BAZ1B: variants seen among roughly 807,000 people sequenced by gnomAD.
The protein encoded by BAZ1B is bromodomain adjacent to zinc finger domain 1B.
In BAZ1B, 22 loss-of-function variants were observed where a neutral mutation model predicts 153.8. That is an observed-to-expected ratio of 0.14 (90% CI 0.10 to 0.20). The LOEUF (loss-of-function observed/expected upper bound fraction) is 0.20. Among genes scored for constraint, BAZ1B ranks in the 10% least tolerant of loss-of-function variants. The probability of loss-of-function intolerance (pLI) is 1.00; values close to 1 mark genes in which losing one functional copy is unlikely to be tolerated. For synonymous variants in BAZ1B, 676 were observed against 633.4 expected (o/e 1.07, Z -1.01); for missense variants, 1,325 against 1,799.3 (o/e 0.74, Z 4.77).
intron 6 of BAZ1B, among the ~76,000 whole-genome samples, chr7:73,480,123 A>C (rs1431966431): frequency 6.7e-6 from 1 of 149,858 alleles, no homozygotes; most frequent in South Asian, 2.1e-4. Flanking sequence ...ACGCCACTGC[A>C]CTCCAGCTTG....
chr7:73,505,904 C>A (rs1440719009), intron 3 of BAZ1B, among the ~76,000 whole-genome samples: 1 of 152,150 alleles, frequency 6.6e-6, no homozygotes, highest in Non-Finnish European at 1.5e-5. Flanking sequence ...GAACTACGGA[C>A]TATTATTACA....
chr7:73,486,902 A>C (rs1789433000), intron 6 of BAZ1B, among the ~76,000 whole-genome samples: 1 of 152,266 alleles, frequency 6.6e-6, no homozygotes, highest in African/African-American at 2.4e-5. Context: ...CTGAGAAGCC[A>C]AAGTCCTAAT....
chr7:73,463,068 C>T lies in BAZ1B; in HGVS notation c.3103G>A (p.Ala1035Thr). 6.2e-7 allele frequency: 1 copy of T among 1,613,840 alleles called. No homozygotes were observed. The highest frequency in any genetic ancestry group is 8.5e-7 in the Non-Finnish European group (1 of 1,179,928). The part of the protein sequence containing the change: ...YQDIIHSIHL[A>T]RKPNLGLKSC... ...TTTAGACCCAAATTTGGCTTCCGTG[C>T]TAGATGAATAGAGTGAATAATGTCC... The change falls in exon 12 of 20, where the codon GCA becomes ACA. Residue 1035 changes from alanine to threonine, a missense_variant. Physicochemically the swap from Ala to Thr is moderately conservative, Grantham distance 58 (BLOSUM62 0). This residue lies in a region of BAZ1B where 431 missense variants were observed against 563.5 expected (regional missense o/e 0.76). Coordinates refer to ENST00000339594, the MANE Select transcript of BAZ1B (RefSeq NM_032408.4).
chr7:73,506,893 T>A (rs1790366732), intron 3 of BAZ1B, among the ~76,000 whole-genome samples: 1 of 145,720 alleles, frequency 6.9e-6, no homozygotes, highest in African/African-American at 2.5e-5. Context: ...TTTTTTTTTT[T>A]TTTGAGATGG....
At chr7:73,489,468 C>G (rs975590157) in intron 5 of BAZ1B, 77 bp from the exon 6 acceptor site, 58 of 1,482,912 alleles carry the variant, frequency 3.9e-5, no homozygotes, top group Admixed American at 7.1e-5. Context: ...AATATACGTT[C>G]TCTCCAGAAA....
At position 73,470,790 on chromosome 7, in the gene BAZ1B, C is replaced by T. The variant is rs528416203; in HGVS notation, c.2594-307G>A. ...TTGCTCTGTCACCCAGGGTGGAGTG[C>T]AGTGGTGCGATCTCGGCTCACTGCA... On this transcript the variant is annotated intron_variant, in intron 7 of 19. Coordinates refer to ENST00000339594, the MANE Select transcript of BAZ1B (RefSeq NM_032408.4). Among the ~76,000 whole-genome samples, 6 of 152,246 alleles carry T rather than the reference C, an allele frequency of 3.9e-5. No individual in the cohort carries two copies. In the East Asian group the frequency reaches 1.2e-3, roughly 29 times the overall value.
rs918761557 is a variant in BAZ1B at position 73,511,043 on chromosome 7, G to A, written c.108-191C>T. Among the ~76,000 whole-genome samples the A allele has an allele frequency of 3.3e-5, 5 of 152,166 alleles. No homozygotes were observed. In the East Asian group the frequency reaches 5.8e-4, roughly 18 times the overall value. ...TCCCAGCACTTTGGGAGGCCGAGGC[G>A]GGCGGATCACGAGGTCAGATCGAGA... On this transcript the variant is annotated intron_variant, in intron 1 of 19. Transcript: ENST00000339594.
rs1489656960 is a variant in BAZ1B at position 73,462,244 on chromosome 7, G to GA, written c.3249+677dup. 4.0e-5 allele frequency among the ~76,000 whole-genome samples: 6 copies of GA among 150,614 alleles called. No individual in the cohort carries two copies. In the East Asian group the frequency reaches 9.7e-4, roughly 24 times the overall value. On this transcript the variant is annotated intron_variant, in intron 12 of 19. Coordinates refer to ENST00000339594, the MANE Select transcript of BAZ1B (RefSeq NM_032408.4). Reference sequence around the variant, plus strand: ...AGAGGGGACTTCATTTCTTTAAAAAGAAAAAAAAGACAAAACATCATAGTG... The same window carrying GA: ...AGAGGGGACTTCATTTCTTTAAAAAGAAAAAAAAAGACAAAACATCATAGTG...
intron 13 of BAZ1B, among the ~76,000 whole-genome samples, chr7:73,458,925 A>T (rs1199791341): frequency 6.6e-6 from 1 of 152,146 alleles, no homozygotes; most frequent in Non-Finnish European, 1.5e-5. Flanking sequence ...TAATGTGTTT[A>T]AAAGTCACCA....
intron 19 of BAZ1B, 42 bp downstream of exon 19, chr7:73,442,139 C>CAA: frequency 3.3e-6 from 2 of 598,500 alleles, no homozygotes; most frequent in Non-Finnish European, 6.2e-6. Context: ...GCTCGCCTCC[C>CAA]TCCCACCCTC....
At chr7:73,465,632 G>A (rs1396962470) in intron 10 of BAZ1B, 95 bp from the exon 11 acceptor site, 1 of 711,146 alleles carries the variant, frequency 1.4e-6, no homozygotes, top group South Asian at 2.1e-5. Context: ...GGTGGGACTT[G>A]GGAGAACAGA....
intron 1 of BAZ1B, among the ~76,000 whole-genome samples, chr7:73,512,515 T>C (rs1017894311): frequency 6.6e-6 from 1 of 152,180 alleles, no homozygotes. Flanking sequence ...CAGAAGATCA[T>C]TTACTAGCCG....
chr7:73,449,455 A>T, intron 15 of BAZ1B, 87 bp downstream of exon 15: 1 of 1,440,474 alleles, frequency 6.9e-7, no homozygotes, highest in Non-Finnish European at 9.2e-7. Flanking sequence ...AGCTCCTTAG[A>T]TTCATTCTGT....
Position 73,477,955 on chromosome 7 carries a change from T to G in BAZ1B, c.1506A>C (p.Thr502=). The G allele has an allele frequency of 6.2e-7, 1 of 1,614,188 alleles. No individual in the cohort carries two copies. Among genetic ancestry groups the G allele is most frequent in the Non-Finnish European group, 8.5e-7 (1 of 1,180,038 alleles). Residue 502 remains threonine, a synonymous_variant, in exon 7 of 20, where the codon ACA becomes ACC. Coordinates refer to ENST00000339594, the MANE Select transcript of BAZ1B (RefSeq NM_032408.4). This position sits in a 1 kb window ranked among gnomAD's most constrained non-coding sequence, Gnocchi z 5.6. ...RSALSCVISK[T]ARLLSSEDRA... Reference sequence around the variant, plus strand: ...TATCTTCACTAGAGAGAAGACGAGCTGTTTTGGAGATAACACAGGACAGGG... The same window carrying G: ...TATCTTCACTAGAGAGAAGACGAGCGGTTTTGGAGATAACACAGGACAGGG...
chr7:73,461,585 G>A (rs933502359), intron 12 of BAZ1B, among the ~76,000 whole-genome samples: 1 of 152,180 alleles, frequency 6.6e-6, no homozygotes, highest in African/African-American at 2.4e-5. Flanking sequence ...CCATAAAGAT[G>A]TTTAAATCCT....
Position 73,444,108 on chromosome 7 carries a change from C to A in BAZ1B, c.3866G>T (p.Arg1289Leu). 1 of 1,605,016 alleles carries A rather than the reference C, an allele frequency of 6.2e-7. No homozygotes were observed. Among genetic ancestry groups the A allele is most frequent in the Admixed American group, 1.7e-5 (1 of 57,248 alleles). Residue 1289 changes from arginine to leucine, a missense_variant, in exon 17 of 20, where the codon CGG becomes CTG. Physicochemically the swap from Arg to Leu is moderately radical, Grantham distance 102. This residue lies in a region of BAZ1B where 271 missense variants were observed against 337.2 expected (regional missense o/e 0.80). Coordinates refer to ENST00000339594, the MANE Select transcript of BAZ1B (RefSeq NM_032408.4). The stretch of plus-strand genomic sequence containing the variant: ...AGGGGGGATGACGCTGTGCTTGCCC[C>A]GGATGGTCTTTCGAGGTCTCACTGA... ...GLRLRPRKTI[R>L]GKHSVIPPAA... is the part of the protein sequence containing the mutation.
chr7:73,496,385 A>G (rs1789895497), intron 4 of BAZ1B, among the ~76,000 whole-genome samples: 1 of 152,226 alleles, frequency 6.6e-6, no homozygotes, highest in Non-Finnish European at 1.5e-5. Flanking sequence ...ACATTAAGAA[A>G]GTACCTCAAA....
intron 4 of BAZ1B, among the ~76,000 whole-genome samples, chr7:73,496,569 T>C (rs1789907341): frequency 1.3e-5 from 2 of 152,212 alleles, no homozygotes; most frequent in Admixed American, 6.5e-5. Flanking sequence ...CCTACATTTT[T>C]GGAGACAACA....
chr7:73,495,854 G>A (rs1789857841), intron 4 of BAZ1B, among the ~76,000 whole-genome samples: 1 of 152,068 alleles, frequency 6.6e-6, no homozygotes, highest in African/African-American at 2.4e-5. Flanking sequence ...ACATAGAGGG[G>A]AACAACACAC....
Sources: gnomAD v4.1 joint callset for allele counts (sites outside exome capture counted in the v4.1 genomes callset) on GRCh38, gnomAD v4.1.1 for gene constraint, gnomAD v4.1.1 regional missense constraint, Gnocchi (gnomAD v3.1) non-coding constraint, MANE v1.5 for transcripts, NCBI Gene and HGNC (gene_info 2026-07-23, HGNC 2026-07-21) for gene names.